TBC1D5: variants seen among roughly 807,000 people sequenced by gnomAD.
TBC1D5 encodes TBC1 domain family member 5, also known as TBC1 domain family, member 5.
TBC1D5 carries 75 observed loss-of-function variants against 100.3 expected under a neutral mutation model. The ratio of observed to expected loss-of-function variants is 0.75; its 90% CI spans 0.62 to 0.91. The LOEUF (loss-of-function observed/expected upper bound fraction) is 0.91, where lower values mean the gene tolerates loss of function less well. Ranked by LOEUF, TBC1D5 falls within the 40% of genes least tolerant of loss-of-function variation. TBC1D5 has a pLI of 0.00. For synonymous variants in TBC1D5, 323 were observed against 325.6 expected, an observed-to-expected ratio of 0.99 and a Z score of 0.09; for missense variants, 910 against 942.4, an observed-to-expected ratio of 0.97 and a Z score of 0.45.
intron 1 of TBC1D5, among the ~76,000 whole-genome samples, chr3:17,676,263 T>C (rs2068617977): frequency 6.6e-6 from 1 of 152,166 alleles, no homozygotes. Context: ...TTCTGCATTT[T>C]GTTTATGTTT....
chr3:17,296,420 C>T (rs1355903433), intron 14 of TBC1D5, among the ~76,000 whole-genome samples: 1 of 152,190 alleles, frequency 6.6e-6, no homozygotes, highest in Non-Finnish European at 1.5e-5. Flanking sequence ...CACATAATTA[C>T]TGCCTGCAGC....
At chr3:17,640,106 C>T (rs916051224) in intron 1 of TBC1D5, among the ~76,000 whole-genome samples, 3 of 151,994 alleles carry the variant, frequency 2.0e-5, no homozygotes, top group Non-Finnish European at 2.9e-5. Flanking sequence ...ACAGAGGATG[C>T]AAGGTGTGGG....
chr3:17,733,606 G>C (rs2076737744), intron 1 of TBC1D5, among the ~76,000 whole-genome samples: 1 of 152,144 alleles, frequency 6.6e-6, no homozygotes, highest in Non-Finnish European at 1.5e-5. Flanking sequence ...AGGGTCCTTA[G>C]AGATCATTTG....
chr3:17,618,058 T>C (rs566436681), intron 2 of TBC1D5, among the ~76,000 whole-genome samples: 5 of 152,354 alleles, frequency 3.3e-5, no homozygotes, highest in Admixed American at 2.6e-4. Flanking sequence ...TGGTCTTTGA[T>C]GTTGGTGACC....
intron 1 of TBC1D5, among the ~76,000 whole-genome samples, chr3:17,735,188 C>T (rs1560585514): frequency 6.6e-6 from 1 of 152,142 alleles, no homozygotes; most frequent in Admixed American, 6.5e-5. Context: ...AATGCATAGG[C>T]ACAGAGGGAT....
Position 17,195,648 on chromosome 3 carries a change from G to A in TBC1D5, c.1753-10440C>T, listed in dbSNP as rs573163614. Among the ~76,000 whole-genome samples, 23 of 152,214 alleles carry A rather than the reference G, an allele frequency of 1.5e-4. No individual in the cohort carries two copies. In the South Asian group the frequency reaches 3.3e-3, roughly 22 times the overall value. ...TCCCAATAGAGACAGACAAAAAACC[G>A]TACCCTGCAGCAAATCCAAGCTGAG... On this transcript the variant is annotated intron_variant, in intron 18 of 21. Coordinates refer to ENST00000253692, the Ensembl canonical transcript of TBC1D5.
intron 2 of TBC1D5, chr3:17,576,450 A>G (rs1325477063): frequency 1.3e-5 from 2 of 151,960 alleles, no homozygotes; most frequent in African/African-American, 2.4e-5. Context: ...TTTTTGAAAC[A>G]AGCAACAACA....
rs562336279 is a variant in TBC1D5 at position 17,673,138 on chromosome 3, G to A, written c.-100-49225C>T. On this transcript the variant is annotated intron_variant, in intron 1 of 21. Coordinates refer to ENST00000253692, the Ensembl canonical transcript of TBC1D5. ...ACCTTTAAGAACATTTAATGTTAAT[G>A]GACACATAAATGTAGTAATAATACA... is the stretch of plus-strand genomic sequence containing the variant. Among the ~76,000 whole-genome samples the A allele has an allele frequency of 9.2e-5, 14 of 152,102 alleles. No homozygotes were observed. The East Asian group carries it at 9.7e-4, about 10-fold the overall frequency.
At chr3:17,740,573 ATG>A (rs2077345244) in exon 1 of TBC1D5, 1 of 152,220 alleles carries the variant, frequency 6.6e-6, no homozygotes, top group South Asian at 2.1e-4. Flanking sequence ...TTATGAAGTT[ATG>A]TGTGACATTT....
chr3:17,212,835 C>T (rs1006113745), intron 18 of TBC1D5, among the ~76,000 whole-genome samples: 1 of 151,730 alleles, frequency 6.6e-6, no homozygotes, highest in Admixed American at 6.6e-5. Flanking sequence ...AGTGTTATTA[C>T]AAAAGAATCA....
chr3:17,399,830 A>G (rs1389267016), intron 8 of TBC1D5, among the ~76,000 whole-genome samples: 1 of 152,130 alleles, frequency 6.6e-6, no homozygotes, highest in Non-Finnish European at 1.5e-5. Flanking sequence ...TCATTGAGAA[A>G]CTAACCTTGC....
At chr3:17,651,573 T>C (rs1034644610) in intron 1 of TBC1D5, among the ~76,000 whole-genome samples, 1 of 152,122 alleles carries the variant, frequency 6.6e-6, no homozygotes, top group Non-Finnish European at 1.5e-5. Context: ...TCGTCGGGCA[T>C]GCGCCTGTGA....
intron 1 of TBC1D5, among the ~76,000 whole-genome samples, chr3:17,671,704 G>A (rs912498700): frequency 6.6e-6 from 1 of 152,152 alleles, no homozygotes; most frequent in Admixed American, 6.5e-5. Context: ...ATGTGATAAT[G>A]ATGTTAAAAG....
chr3:17,188,225 G>A (rs2069394735), intron 18 of TBC1D5, among the ~76,000 whole-genome samples: 2 of 152,196 alleles, frequency 1.3e-5, no homozygotes, highest in African/African-American at 4.8e-5. Flanking sequence ...AGTCCTAAGA[G>A]TGTAGCAGTC....
chr3:17,290,881 A>G (rs1007196008), intron 15 of TBC1D5, among the ~76,000 whole-genome samples: 3 of 152,256 alleles, frequency 2.0e-5, no homozygotes, highest in Non-Finnish European at 4.4e-5. Flanking sequence ...ATAAATTTAC[A>G]GAACAGATAT....
At chr3:17,548,276 C>G (rs1048753180) in intron 2 of TBC1D5, among the ~76,000 whole-genome samples, 1 of 152,154 alleles carries the variant, frequency 6.6e-6, no homozygotes, top group East Asian at 1.9e-4. Flanking sequence ...GATCACACTA[C>G]TGCACTAAGG....
At chr3:17,368,377 C>T (rs2092287006) in intron 13 of TBC1D5, among the ~76,000 whole-genome samples, 1 of 152,082 alleles carries the variant, frequency 6.6e-6, no homozygotes, top group Non-Finnish European at 1.5e-5. Context: ...GAGATATTAA[C>T]ATATATTCTC....
intron 2 of TBC1D5, among the ~76,000 whole-genome samples, chr3:17,537,594 C>A (rs1043637501): frequency 6.6e-6 from 1 of 152,148 alleles, no homozygotes; most frequent in Non-Finnish European, 1.5e-5. Context: ...CTGGCAATCA[C>A]CATTCTACTT....
chr3:17,548,349 C>G (rs544519449), intron 2 of TBC1D5, among the ~76,000 whole-genome samples: 2 of 152,170 alleles, frequency 1.3e-5, no homozygotes, highest in South Asian at 4.1e-4. Flanking sequence ...ATTCATATAT[C>G]AGTAGAAAAC....
Sources: gnomAD v4.1 joint callset for allele counts (sites outside exome capture counted in the v4.1 genomes callset) on GRCh38, gnomAD v4.1.1 for gene constraint, MANE v1.5 for transcripts, NCBI Gene and HGNC (gene_info 2026-07-23, HGNC 2026-07-21) for gene names.